Variants in LRRFIP2 observed in about 807,000 individuals in gnomAD.
LRRFIP2 encodes the protein leucine-rich repeat flightless-interacting protein 2.
A neutral mutation model predicts 125.9 loss-of-function variants in LRRFIP2; 109 were observed. The ratio of observed to expected loss-of-function variants is 0.87; its 90% confidence interval spans 0.74 to 1.01. The LOEUF (loss-of-function observed/expected upper bound fraction) is 1.01, where lower values mean the gene tolerates loss of function less well. Among genes scored for constraint, LRRFIP2 ranks in the 50% least tolerant of loss-of-function variants. The pLI, the probability that LRRFIP2 is intolerant of heterozygous loss-of-function variation, is 0.00. For synonymous variants in LRRFIP2, 291 were observed against 293.1 expected (o/e 0.99, Z 0.07); for missense variants, 850 against 862.3 (o/e 0.99, Z 0.18).
In LRRFIP2 at chr3:37,109,665, A is replaced by T; in HGVS notation, c.552T>A (p.Tyr184Ter). The change falls in exon 10 of 28, where the codon TAT becomes TAA. Residue 184 changes from tyrosine to a stop codon, truncating the protein, a stop_gained. Transcript: ENST00000336686. LOFTEE classifies it high-confidence loss of function. ...SSLYSDPLAT[Y>*]KSDRASPTAN... Reference sequence around the variant, plus strand: ...AGAAAGTACTAACCCTGTCACTCTTATATGTTGCCAGAGGGTCACTGTACA... The same window carrying T: ...AGAAAGTACTAACCCTGTCACTCTTTTATGTTGCCAGAGGGTCACTGTACA... 2 of 1,614,108 alleles carry T rather than the reference A, an allele frequency of 1.2e-6. No homozygotes were observed. Among genetic ancestry groups the T allele is most frequent in the Non-Finnish European group, 1.7e-6 (2 of 1,179,952 alleles).
Position 37,053,791 on chromosome 3 carries a change from A to T in LRRFIP2, c.*60T>A. On this transcript the variant is annotated 3_prime_UTR_variant, in exon 28 of 28. Transcript: ENST00000336686. The stretch of plus-strand genomic sequence containing the variant: ...TAAAAGGGGTTTGTGTCAATGGACA[A>T]AAGTCAGTCCCTCTAGGTAGGGCCC... The T allele has an allele frequency of 1.8e-6, 2 of 1,127,442 alleles. No individual in the cohort carries two copies. Among genetic ancestry groups the T allele is most frequent in the Non-Finnish European group, 2.7e-6 (2 of 738,074 alleles). The allele number at this position is 1,127,442 out of a possible 1,614,324, so 69.8% of individuals were successfully genotyped here. A position where few individuals can be genotyped will look rare whatever the true frequency, so the allele number is the denominator to read the frequency against.
chr3:37,106,073 A>G (rs2094309974), intron 13 of LRRFIP2, among the ~76,000 whole-genome samples: 1 of 152,188 alleles, frequency 6.6e-6, no homozygotes, highest in South Asian at 2.1e-4. Context: ...TCAAAAAATT[A>G]AAGAAGGGGA....
At chr3:37,057,521 A>G (rs530186701) in intron 25 of LRRFIP2, among the ~76,000 whole-genome samples, 1 of 148,960 alleles carries the variant, frequency 6.7e-6, no homozygotes, top group South Asian at 2.1e-4. Flanking sequence ...CCTTAACCCA[A>G]AAAGTCTTTT....
At chr3:37,084,179 G>GA (rs772352515) in intron 18 of LRRFIP2, among the ~76,000 whole-genome samples, 22 of 152,138 alleles carry the variant, frequency 1.4e-4, no homozygotes, top group Non-Finnish European at 2.8e-4. Context: ...AGAACGCAGT[G>GA]ATACCACAGA....
At chr3:37,133,268 C>G (rs1003572852) in intron 2 of LRRFIP2, among the ~76,000 whole-genome samples, 9 of 152,068 alleles carry the variant, frequency 5.9e-5, no homozygotes, top group Admixed American at 5.9e-4. Flanking sequence ...CTAAAACACA[C>G]AATTACCATT....
intron 4 of LRRFIP2, among the ~76,000 whole-genome samples, chr3:37,122,323 G>A (rs895333107): frequency 1.3e-5 from 2 of 151,990 alleles, no homozygotes; most frequent in Admixed American, 6.6e-5. Context: ...TGGAAAGAAA[G>A]TAGAAATAAT....
chr3:37,084,785 A>T (rs1167418954), intron 18 of LRRFIP2, among the ~76,000 whole-genome samples: 2 of 152,220 alleles, frequency 1.3e-5, no homozygotes, highest in African/African-American at 4.8e-5. Flanking sequence ...TGCCTAAAAT[A>T]GCTTACATGT....
chr3:37,081,559 G>A (rs531412130), intron 19 of LRRFIP2, among the ~76,000 whole-genome samples: 17 of 128,854 alleles, frequency 1.3e-4, no homozygotes, highest in African/African-American at 4.5e-4. Context: ...CAAATTTCCA[G>A]GGTATTAAAA....
intron 2 of LRRFIP2, among the ~76,000 whole-genome samples, chr3:37,132,275 G>A (rs1398579669): frequency 8.0e-6 from 1 of 124,596 alleles, no homozygotes; most frequent in African/African-American, 2.8e-5. Context: ...TCATTTACAT[G>A]TATATTAAAT....
chr3:37,135,084 G>T, intron 2 of LRRFIP2: 1 of 1,363,370 alleles, frequency 7.3e-7, no homozygotes, highest in South Asian at 1.2e-5. Flanking sequence ...CTCGGGAATG[G>T]ACTCAGAAGA....
intron 25 of LRRFIP2, 21 bp from the exon 26 acceptor site, chr3:37,055,186 G>GAT: frequency 7.0e-7 from 1 of 1,432,458 alleles, no homozygotes; most frequent in Non-Finnish European, 9.6e-7. Context: ...AGAAGACAAT[G>GAT]AATTATCTTC....
chr3:37,061,290 C>T (rs2088623198), intron 24 of LRRFIP2, among the ~76,000 whole-genome samples: 1 of 152,150 alleles, frequency 6.6e-6, no homozygotes, highest in Admixed American at 6.5e-5. Flanking sequence ...ACCAGCCTGG[C>T]CTGAGGCCTC....
Position 37,055,100 on chromosome 3 carries a change from T to A in LRRFIP2, c.1936A>T (p.Thr646Ser). 6.3e-7 allele frequency: 1 copy of A among 1,593,738 alleles called. No homozygotes were observed. Among genetic ancestry groups the A allele is most frequent in the East Asian group, 2.3e-5 (1 of 44,238 alleles). Residue 646 changes from threonine to serine, a missense_variant, in exon 26 of 28, where the codon ACC becomes TCC. Transcript: ENST00000336686. The part of the protein sequence containing the change: ...KLSKAEQDIT[T>S]LEQSISRLEG... Reference sequence around the variant, plus strand: ...GAAGTACTTACACTTTGCTCCAAGGTAGTTATATCCTGTTCTGCTTTTGAA... The same window carrying A: ...GAAGTACTTACACTTTGCTCCAAGGAAGTTATATCCTGTTCTGCTTTTGAA...
rs1237193101 is a variant in LRRFIP2 at position 37,108,674 on chromosome 3, T to A, written c.620A>T (p.Tyr207Phe). ...ATAAGGGTTATATAATCCACCATTGTACAATGATGCCTAAGGAACAAAGGA... is the reference window on the plus strand; with the variant it reads ...ATAAGGGTTATATAATCCACCATTGAACAATGATGCCTAAGGAACAAAGGA... The part of the protein sequence containing the change: ...LLRSASLASL[Y>F]NGGLYNPYGP... Residue 207 changes from tyrosine (Y) to phenylalanine (F), a missense_variant, in exon 12 of 28, where the codon TAC (tyrosine) becomes TTC (phenylalanine). Transcript: ENST00000336686. 1 of 1,609,704 alleles carries A rather than the reference T, an allele frequency of 6.2e-7. No homozygotes were observed. Among genetic ancestry groups the A allele is most frequent in the Non-Finnish European group, 8.5e-7 (1 of 1,176,274 alleles).
At position 37,055,844 on chromosome 3, in the gene LRRFIP2, C is replaced by T. The variant is rs183613454; in HGVS notation, c.1871-679G>A. On this transcript the variant is annotated intron_variant, in intron 25 of 27. Coordinates refer to ENST00000336686, the MANE Select transcript of LRRFIP2 (RefSeq NM_006309.4). ...GGACTGGGCCCTCTAGTTCCCTGAACGCGGCCCCATGCCTTCCCATCTCCC... is the reference window on the plus strand; with the variant it reads ...GGACTGGGCCCTCTAGTTCCCTGAATGCGGCCCCATGCCTTCCCATCTCCC... Among the ~76,000 whole-genome samples the T allele has an allele frequency of 7.9e-5, 12 of 152,284 alleles. No individual in the cohort carries two copies. The East Asian group carries it at 1.9e-3, about 25-fold the overall frequency.
intron 1 of LRRFIP2, among the ~76,000 whole-genome samples, chr3:37,152,004 C>A (rs1258852631): frequency 6.6e-6 from 1 of 152,148 alleles, no homozygotes. Flanking sequence ...ATGAAAAAGA[C>A]ACATACACAC....
chr3:37,098,086 C>G (rs2093813842), intron 15 of LRRFIP2, among the ~76,000 whole-genome samples: 2 of 141,818 alleles, frequency 1.4e-5, no homozygotes, highest in South Asian at 4.3e-4. Context: ...TTTTTATTAC[C>G]CACACTTATG....
chr3:37,105,988 C>T (rs1343717814), intron 13 of LRRFIP2, among the ~76,000 whole-genome samples: 1 of 152,074 alleles, frequency 6.6e-6, no homozygotes, highest in African/African-American at 2.4e-5. Context: ...TTGCTGGAAC[C>T]CAGGAGGCGG....
chr3:37,115,114 T>G lies in LRRFIP2; in HGVS notation c.331-19A>C, dbSNP rs1345184715. 2 of 1,569,412 alleles carry G rather than the reference T, an allele frequency of 1.3e-6. No individual in the cohort carries two copies. The highest frequency in any genetic ancestry group is 8.7e-7 in the Non-Finnish European group (1 of 1,148,898). On this transcript the variant is annotated intron_variant, in intron 6 of 27. Transcript: ENST00000336686. ...TATCATACTGGGTTTCAGCAAAACA[T>G]GAAAGTTGGTTTGTTTCCAAATTCA...
Sources: allele counts gnomAD v4.1 joint callset (sites outside exome capture counted in the v4.1 genomes callset), GRCh38; gene constraint gnomAD v4.1.1; transcripts MANE v1.5; gene names NCBI Gene and HGNC (gene_info 2026-07-23, HGNC 2026-07-21).